The following FBXL17 variants were observed in gnomAD, a reference collection of about 807,000 sequenced individuals.
FBXL17 encodes F-box and leucine rich repeat protein 17.
In FBXL17, 22 loss-of-function variants were observed where a neutral mutation model predicts 66.2. That is an observed-to-expected ratio of 0.33 (90% CI 0.24 to 0.47). The LOEUF is 0.47. Among genes scored for constraint, FBXL17 ranks in the 20% least tolerant of loss-of-function variants. The probability of loss-of-function intolerance (pLI) is 1.00; values close to 1 mark genes in which losing one functional copy is unlikely to be tolerated. For synonymous variants in FBXL17, 474 were observed against 400.5 expected (o/e 1.18, Z -2.19); for missense variants, 878 against 948.2 (o/e 0.93, Z 0.97).
At chr5:108,142,287 T>C (rs1027444723) in intron 6 of FBXL17, among the ~76,000 whole-genome samples, 3 of 152,230 alleles carry the variant, frequency 2.0e-5, no homozygotes, top group African/African-American at 7.2e-5. Context: ...TTTTGCTTCT[T>C]CTGTAATCTT....
intron 1 of FBXL17, 124 bp downstream of exon 1, chr5:108,380,575 G>T: frequency 1.9e-6 from 1 of 527,058 alleles, no homozygotes. Context: ...CTCCCCTTGG[G>T]ACGTCCCTAG....
intron 8 of FBXL17, among the ~76,000 whole-genome samples, chr5:107,870,733 G>A (rs1012290794): frequency 6.6e-6 from 1 of 151,660 alleles, no homozygotes; most frequent in Admixed American, 6.6e-5. Context: ...CTACAGGCGC[G>A]TGCCACCATG....
At chr5:108,336,837 T>C (rs1760406173) in intron 4 of FBXL17, among the ~76,000 whole-genome samples, 1 of 152,138 alleles carries the variant, frequency 6.6e-6, no homozygotes, top group Non-Finnish European at 1.5e-5. Context: ...ATTCAGTAAA[T>C]AAAAATTGAA....
At position 108,154,287 on chromosome 5, in the gene FBXL17, GAAAA is replaced by G. The variant is rs56042627; in HGVS notation, c.1745+31826_1745+31829del. 6.0e-4 allele frequency among the ~76,000 whole-genome samples: 59 copies of G among 98,394 alleles called. No homozygotes were observed. In the Middle Eastern group the frequency reaches 0.026, roughly 44 times the overall value. 64.6% of individuals were successfully genotyped at this position (98,394 alleles called of 152,430 possible). On this transcript the variant is annotated intron_variant, in intron 6 of 8. Coordinates refer to ENST00000542267, the MANE Select transcript of FBXL17 (RefSeq NM_001163315.3). Reference sequence around the variant, plus strand: ...AAACAGTGTGGAAAGGATCACAGCTGAAAAAAAAAAAAAAAAAAAAGATATGCCA... The same window carrying G: ...AAACAGTGTGGAAAGGATCACAGCTGAAAAAAAAAAAAAAAAGATATGCCA...
rs1480802855 is a variant in FBXL17, at chr5:108,318,277, ATTTG to A, written c.1506+30118_1506+30121del. On this transcript the variant is annotated intron_variant, in intron 4 of 8. Coordinates refer to ENST00000542267, the MANE Select transcript of FBXL17 (RefSeq NM_001163315.3). ...CACCCAGTAACTTAGTGCCTTATGC[ATTTG>A]TTTTTTACCTTTGCTATGTCTTCAG... Among the ~76,000 whole-genome samples the A allele has an allele frequency of 3.3e-5, 5 of 151,882 alleles. 2 individuals carry two copies. Among genetic ancestry groups the A allele is most frequent in the African/African-American group, 1.2e-4 (5 of 41,528 alleles).
intron 3 of FBXL17, among the ~76,000 whole-genome samples, chr5:108,362,227 A>G (rs962090317): frequency 6.6e-6 from 1 of 152,160 alleles, no homozygotes; most frequent in African/African-American, 2.4e-5. Flanking sequence ...TGTAACATTT[A>G]TTATTTTTGT....
chr5:108,300,064 T>C (rs1580772108), intron 4 of FBXL17, among the ~76,000 whole-genome samples: 1 of 152,182 alleles, frequency 6.6e-6, no homozygotes, highest in African/African-American at 2.4e-5. Flanking sequence ...TAATCATATA[T>C]CAGCAGTTCA....
chr5:108,381,407 G>C lies in FBXL17; in HGVS notation c.285C>G (p.Ser95=). The change falls in exon 1 of 9, where the codon TCC becomes TCG. Residue 95 remains serine, a synonymous_variant. Transcript: ENST00000542267. ...PPRDGAYAAA[S]SSQHLARRYA... is the part of the protein sequence containing the mutation. ...AGCGCCGCGCCAGGTGCTGAGAGGA[G>C]GAGGCGGCAGCGTAGGCCCCGTCCC... The C allele has an allele frequency of 7.5e-7, 1 of 1,325,436 alleles. No homozygotes were observed. Among genetic ancestry groups the C allele is most frequent in the Non-Finnish European group, 9.6e-7 (1 of 1,046,766 alleles). 82.1% of individuals were successfully genotyped at this position (1,325,436 alleles called of 1,614,324 possible).
chr5:108,113,690 T>C (rs890869819), intron 6 of FBXL17, among the ~76,000 whole-genome samples: 124 of 152,124 alleles, frequency 8.2e-4, no homozygotes, highest in African/African-American at 2.9e-3. Flanking sequence ...ATTAAAAATG[T>C]CCAATTTTAG....
At chr5:108,088,161 G>C (rs11951176) in intron 6 of FBXL17, among the ~76,000 whole-genome samples, 44,254 of 151,976 alleles carry the variant, frequency 0.29, 7,602 homozygotes, top group Admixed American at 0.4. Flanking sequence ...ATTGAACAAT[G>C]AAAAGATCAC....
At chr5:108,349,402 AT>A (rs971401132) in intron 3 of FBXL17, among the ~76,000 whole-genome samples, 1 of 152,018 alleles carries the variant, frequency 6.6e-6, no homozygotes, top group African/African-American at 2.4e-5. Context: ...ATCTTCTCTA[AT>A]TTTTTTAATA....
intron 7 of FBXL17, among the ~76,000 whole-genome samples, chr5:107,925,130 T>A (rs1244359482): frequency 6.6e-6 from 1 of 152,228 alleles, no homozygotes; most frequent in African/African-American, 2.4e-5. Flanking sequence ...AAAGAGCTGA[T>A]CAAATAGTGG....
chr5:108,127,372 T>C (rs1218230969), intron 6 of FBXL17, among the ~76,000 whole-genome samples: 1 of 152,206 alleles, frequency 6.6e-6, no homozygotes, highest in Non-Finnish European at 1.5e-5. Context: ...GAAAACAGTG[T>C]AGAAAAGCTG....
chr5:108,064,581 T>A (rs549796166), intron 6 of FBXL17, among the ~76,000 whole-genome samples: 1 of 152,220 alleles, frequency 6.6e-6, no homozygotes, highest in Non-Finnish European at 1.5e-5. Context: ...GATTTTGCTC[T>A]TATAGAGAAA....
chr5:108,299,203 T>C (rs1001170798), intron 4 of FBXL17: 2 of 985,064 alleles, frequency 2.0e-6, no homozygotes, highest in African/African-American at 3.5e-5. Context: ...TGGACCTTTA[T>C]ACCTTTATGA....
chr5:108,380,903 A>G lies in FBXL17; in HGVS notation c.789T>C (p.Ser263=). The change falls in exon 1 of 9, where the codon TCT becomes TCC. Residue 263 remains serine, a synonymous_variant. Transcript: ENST00000542267. ...TGGGGGCACCTTCGGAGGTGGGAGA[A>G]GAGGGCGGAGGGCAGAGCGGCTGCG... is the stretch of plus-strand genomic sequence containing the variant. The part of the protein sequence containing the change: ...QPPQPLCPPP[S]SPTSEGAPTE... The G allele has an allele frequency of 1.6e-6, 2 of 1,232,550 alleles. No individual in the cohort carries two copies. Among genetic ancestry groups the G allele is most frequent in the Non-Finnish European group, 2.0e-6 (2 of 983,634 alleles). The allele number at this position is 1,232,550 out of a possible 1,614,324, so 76.4% of individuals were successfully genotyped here.
intron 1 of FBXL17, among the ~76,000 whole-genome samples, chr5:108,373,377 T>A (rs1305178182): frequency 2.0e-5 from 2 of 97,956 alleles, no homozygotes; most frequent in Non-Finnish European, 4.2e-5. Flanking sequence ...TATAAATATA[T>A]ATCTAAATAT....
intron 4 of FBXL17, among the ~76,000 whole-genome samples, chr5:108,260,639 G>C (rs1055210695): frequency 7.9e-5 from 12 of 152,052 alleles, no homozygotes; most frequent in African/African-American, 2.9e-4. Flanking sequence ...CACAAAATGA[G>C]AGACAACTAA....
intron 6 of FBXL17, among the ~76,000 whole-genome samples, chr5:108,107,044 A>T (rs530068925): frequency 6.6e-6 from 1 of 152,206 alleles, no homozygotes; most frequent in South Asian, 2.1e-4. Context: ...AATTATGTAA[A>T]ATTTCCTCCT....
Sources: allele counts gnomAD v4.1 joint callset (sites outside exome capture counted in the v4.1 genomes callset), GRCh38; gene constraint gnomAD v4.1.1; transcripts MANE v1.5; gene names NCBI Gene and HGNC (gene_info 2026-07-23, HGNC 2026-07-21).